TRPM3: variants seen among roughly 807,000 people sequenced by gnomAD.
TRPM3 encodes the protein transient receptor potential cation channel subfamily M member 3.
Under a neutral mutation model 181.2 loss-of-function variants are expected in TRPM3, and 77 were observed. That is an observed-to-expected ratio of 0.42 (90% CI 0.35 to 0.51). The LOEUF is 0.51. Ranked by LOEUF, TRPM3 falls within the 20% of genes least tolerant of loss-of-function variation. TRPM3 has a pLI of 0.01. For synonymous variants in TRPM3, 745 were observed against 796.4 expected, an observed-to-expected ratio of 0.94 and a Z score of 1.09; for missense variants, 1,759 against 2,196.7, an observed-to-expected ratio of 0.80 and a Z score of 3.98.
intron 1 of TRPM3, among the ~76,000 whole-genome samples, chr9:71,017,251 A>G (rs2097792141): frequency 6.6e-6 from 1 of 152,062 alleles, no homozygotes; most frequent in Non-Finnish European, 1.5e-5. Context: ...TTTAAATAAA[A>G]GAGGGCAAGA....
At chr9:70,788,077 A>G (rs1428265168) in intron 6 of TRPM3, among the ~76,000 whole-genome samples, 1 of 145,932 alleles carries the variant, frequency 6.9e-6, no homozygotes, top group Non-Finnish European at 1.5e-5. Flanking sequence ...TTAGTTACAT[A>G]TGTATACATG....
At chr9:71,068,614 T>C (rs561065456) in intron 1 of TRPM3, among the ~76,000 whole-genome samples, 28 of 152,342 alleles carry the variant, frequency 1.8e-4, no homozygotes, top group Non-Finnish European at 3.7e-4. Context: ...CTCAAAATAA[T>C]GATTGCCAAA....
At chr9:71,399,521 CTTTTGTTT>C (rs1287275298) in intron 1 of TRPM3, among the ~76,000 whole-genome samples, 54 of 107,516 alleles carry the variant, frequency 5.0e-4, no homozygotes, top group African/African-American at 1.7e-3. Context: ...CTTATATTTT[CTTTTGTTT>C]TTTTTTTTTT....
intron 1 of TRPM3, among the ~76,000 whole-genome samples, chr9:71,210,713 T>C (rs2079440016): frequency 6.6e-6 from 1 of 152,234 alleles, no homozygotes; most frequent in African/African-American, 2.4e-5. Context: ...CTTAATGTGT[T>C]CTGGCTGCTA....
chr9:70,606,803 C>G (rs1479014884), intron 19 of TRPM3, among the ~76,000 whole-genome samples: 1 of 152,012 alleles, frequency 6.6e-6, no homozygotes, highest in African/African-American at 2.4e-5. Flanking sequence ...TATGCATTTT[C>G]CATTAACTAA....
At chr9:70,863,506 G>A (rs1695519338) in intron 2 of TRPM3, among the ~76,000 whole-genome samples, 1 of 152,112 alleles carries the variant, frequency 6.6e-6, no homozygotes, top group Admixed American at 6.6e-5. Context: ...AGGAGGAGAA[G>A]TTTAACATGC....
chr9:70,810,984 A>G (rs1320717725), intron 6 of TRPM3, among the ~76,000 whole-genome samples: 1 of 152,162 alleles, frequency 6.6e-6, no homozygotes, highest in African/African-American at 2.4e-5. Context: ...CCTATATGGT[A>G]TCTTTAGGAT....
intron 1 of TRPM3, among the ~76,000 whole-genome samples, chr9:71,253,018 T>C (rs2082447231): frequency 6.6e-6 from 1 of 151,698 alleles, no homozygotes; most frequent in Non-Finnish European, 1.5e-5. Flanking sequence ...CTTGGCTGAG[T>C]TTTTCTGTCC....
At chr9:71,218,283 G>A (rs904253548) in intron 1 of TRPM3, among the ~76,000 whole-genome samples, 5 of 152,022 alleles carry the variant, frequency 3.3e-5, no homozygotes, top group South Asian at 4.2e-4. Context: ...CAATGACAAC[G>A]CACTCTCATG....
At chr9:71,015,585 A>G (rs1564978176) in intron 1 of TRPM3, among the ~76,000 whole-genome samples, 1 of 152,226 alleles carries the variant, frequency 6.6e-6, no homozygotes, top group Non-Finnish European at 1.5e-5. Flanking sequence ...GTAAACTGCT[A>G]TACTTAGAAG....
chr9:71,336,148 T>C (rs893500690), intron 1 of TRPM3, among the ~76,000 whole-genome samples: 5 of 146,436 alleles, frequency 3.4e-5, no homozygotes, highest in Non-Finnish European at 6.0e-5. Context: ...TCATAACATA[T>C]ACATGCTCAG....
At chr9:70,817,854 A>G (rs942107492) in intron 6 of TRPM3, among the ~76,000 whole-genome samples, 2 of 152,034 alleles carry the variant, frequency 1.3e-5, no homozygotes, top group Non-Finnish European at 2.9e-5. Flanking sequence ...CATATTTATT[A>G]TATATTGTTT....
At chr9:71,437,477 C>A (rs1208523704) in intron 1 of TRPM3, among the ~76,000 whole-genome samples, 2 of 152,080 alleles carry the variant, frequency 1.3e-5, no homozygotes, top group African/African-American at 4.8e-5. Context: ...TTTGTTGGAA[C>A]ACAGCCATGA....
chr9:71,337,500 T>C (rs1342448104), intron 1 of TRPM3, among the ~76,000 whole-genome samples: 1 of 152,120 alleles, frequency 6.6e-6, no homozygotes, highest in Admixed American at 6.5e-5. Flanking sequence ...AGTTCAACCA[T>C]TGTGGAAGAC....
At chr9:71,350,391 C>T (rs1406992639) in intron 1 of TRPM3, among the ~76,000 whole-genome samples, 1 of 152,166 alleles carries the variant, frequency 6.6e-6, no homozygotes, top group Non-Finnish European at 1.5e-5. Context: ...CCTGGTTTAT[C>T]AATGTTCCAA....
At chr9:71,037,705 C>T (rs1320329242) in intron 1 of TRPM3, among the ~76,000 whole-genome samples, 2 of 152,202 alleles carry the variant, frequency 1.3e-5, no homozygotes, top group African/African-American at 2.4e-5. Flanking sequence ...ATGAAGAAGA[C>T]ATGCACAGAA....
chr9:71,050,010 C>T (rs766018901), intron 1 of TRPM3, among the ~76,000 whole-genome samples: 1 of 152,136 alleles, frequency 6.6e-6, no homozygotes, highest in Non-Finnish European at 1.5e-5. Context: ...ACCATTCACA[C>T]ACACATAATA....
rs567856461 is a variant in TRPM3, at chr9:71,318,392, G to A, written c.183+128261C>T. 4.8e-4 allele frequency among the ~76,000 whole-genome samples: 73 copies of A among 152,220 alleles called. 1 individual carries two copies. The highest frequency in any genetic ancestry group is 1.7e-3 in the African/African-American group (72 of 41,536). On this transcript the variant is annotated intron_variant, in intron 1 of 24. Transcript: ENST00000357533. ...AGGATTTTCACAACTCTACATTGGGGATGAACTTTTATTGCACATAATTAA... is the reference window on the plus strand; with the variant it reads ...AGGATTTTCACAACTCTACATTGGGAATGAACTTTTATTGCACATAATTAA...
chr9:71,341,335 G>A (rs76978348), intron 1 of TRPM3, among the ~76,000 whole-genome samples: 2,161 of 152,222 alleles, frequency 0.014, 27 homozygotes, highest in Middle Eastern at 0.024. Flanking sequence ...ACTTCATGGT[G>A]AGGAAATCTG....
Sources: allele counts gnomAD v4.1 joint callset (sites outside exome capture counted in the v4.1 genomes callset), GRCh38; gene constraint gnomAD v4.1.1; transcripts MANE v1.5; gene names NCBI Gene and HGNC (gene_info 2026-07-23, HGNC 2026-07-21).